Variants in NRG3 observed in about 807,000 individuals in gnomAD.
The protein encoded by NRG3 is neuregulin 3, also known as pro-neuregulin-3, membrane-bound isoform.
NRG3 carries 31 observed loss-of-function variants against 66.9 expected under a neutral mutation model. The ratio of observed to expected loss-of-function variants is 0.46; its 90% CI spans 0.35 to 0.63. NRG3 has a LOEUF of 0.63. Ranked by LOEUF, NRG3 falls within the 20% of genes least tolerant of loss-of-function variation. The probability of loss-of-function intolerance (pLI) is 0.00; values close to 1 mark genes in which losing one functional copy is unlikely to be tolerated. For synonymous variants in NRG3, 393 were observed against 359.4 expected (o/e 1.09, Z -1.06); for missense variants, 910 against 878.9 (o/e 1.04, Z -0.45).
chr10:82,302,491 A>G (rs1274451343), intron 1 of NRG3, among the ~76,000 whole-genome samples: 1 of 152,136 alleles, frequency 6.6e-6, no homozygotes, highest in Non-Finnish European at 1.5e-5. Context: ...TATACTTTGT[A>G]TACTATAATG....
chr10:82,482,989 T>C (rs955001384), intron 2 of NRG3, among the ~76,000 whole-genome samples: 2 of 152,178 alleles, frequency 1.3e-5, no homozygotes, highest in African/African-American at 2.4e-5. Flanking sequence ...TCCTACAATC[T>C]TGCAAGGATG....
intron 1 of NRG3, among the ~76,000 whole-genome samples, chr10:81,926,253 G>A (rs534081103): frequency 2.0e-5 from 3 of 152,022 alleles, no homozygotes; most frequent in Non-Finnish European, 4.4e-5. Context: ...GAGTAGCTGG[G>A]ATTACAGGCA....
intron 2 of NRG3, among the ~76,000 whole-genome samples, chr10:82,447,212 T>C (rs2090772869): frequency 1.3e-5 from 2 of 152,120 alleles, no homozygotes; most frequent in Non-Finnish European, 2.9e-5. Context: ...AAATGCAGAG[T>C]GCCAAAACGA....
intron 3 of NRG3, among the ~76,000 whole-genome samples, chr10:82,758,330 A>C (rs906134951): frequency 6.6e-5 from 10 of 152,124 alleles, no homozygotes; most frequent in Non-Finnish European, 1.5e-4. Flanking sequence ...CTTAAAATAT[A>C]AAGTCTAACA....
chr10:82,305,152 G>T (rs902810303), intron 1 of NRG3, among the ~76,000 whole-genome samples: 1 of 151,310 alleles, frequency 6.6e-6, no homozygotes, highest in African/African-American at 2.4e-5. Context: ...CCACCACCAC[G>T]CTCGGCTAAT....
chr10:82,057,510 T>C (rs2063906825), intron 1 of NRG3, among the ~76,000 whole-genome samples: 1 of 152,132 alleles, frequency 6.6e-6, no homozygotes, highest in South Asian at 2.1e-4. Flanking sequence ...TCCTTTGAAA[T>C]TGTTGGGGTA....
intron 2 of NRG3, among the ~76,000 whole-genome samples, chr10:82,651,101 T>C (rs755539584): frequency 6.6e-6 from 1 of 152,108 alleles, no homozygotes; most frequent in Non-Finnish European, 1.5e-5. Context: ...AGAGGAAAAA[T>C]GGTAAGAAAA....
chr10:81,907,808 C>T (rs1374607704), intron 1 of NRG3, among the ~76,000 whole-genome samples: 2 of 152,162 alleles, frequency 1.3e-5, no homozygotes, highest in African/African-American at 4.8e-5. Flanking sequence ...AAATTACAGA[C>T]TCCTTGATAC....
chr10:82,810,493 T>A (rs1242290375), intron 3 of NRG3, among the ~76,000 whole-genome samples: 1 of 152,174 alleles, frequency 6.6e-6, no homozygotes, highest in African/African-American at 2.4e-5. Context: ...CCAGGCACTG[T>A]GGCTCACGCC....
At position 82,641,284 on chromosome 10, in the gene NRG3, T is replaced by C. The variant is rs551942428; in HGVS notation, c.954-97293T>C. 2.8e-4 allele frequency among the ~76,000 whole-genome samples: 42 copies of C among 152,246 alleles called. No homozygotes were observed. The South Asian group carries it at 8.7e-3, about 32-fold the overall frequency. ...AATATTTTAGAAACTTTTTTGTCAG[T>C]TTTCTAAGCTTATATTTGTGATCTG... On this transcript the variant is annotated intron_variant, in intron 2 of 8. Transcript: ENST00000372141.
intron 1 of NRG3, among the ~76,000 whole-genome samples, chr10:82,105,060 G>A (rs949637088): frequency 2.0e-5 from 3 of 151,972 alleles, no homozygotes; most frequent in African/African-American, 4.8e-5. Flanking sequence ...GATAATAGAG[G>A]AATATTTAGG....
intron 2 of NRG3, among the ~76,000 whole-genome samples, chr10:82,560,680 T>G (rs2044979009): frequency 1.3e-5 from 2 of 151,238 alleles, no homozygotes; most frequent in South Asian, 4.2e-4. Context: ...TAATAGACAC[T>G]TCCATCTTAT....
rs1026989255 is a variant in NRG3 at position 82,400,874 on chromosome 10, C to A, written c.953+42006C>A. On this transcript the variant is annotated intron_variant, in intron 2 of 8. Transcript: ENST00000372141. The stretch of plus-strand genomic sequence containing the variant: ...AACCAGCATGAGCCACCATGCCTGG[C>A]CCAGATTGACTCTCAGTGGAGAAAA... 3.9e-5 allele frequency among the ~76,000 whole-genome samples: 6 copies of A among 152,124 alleles called. No homozygotes were observed. In the South Asian group the frequency reaches 8.3e-4, roughly 21 times the overall value.
At chr10:82,629,954 A>G (rs977672220) in intron 2 of NRG3, among the ~76,000 whole-genome samples, 5 of 152,152 alleles carry the variant, frequency 3.3e-5, no homozygotes, top group African/African-American at 1.2e-4. Flanking sequence ...AGATGTCCCA[A>G]TGAAGATGTG....
intron 2 of NRG3, among the ~76,000 whole-genome samples, chr10:82,574,026 C>G (rs1443415365): frequency 6.6e-6 from 1 of 151,762 alleles, no homozygotes; most frequent in African/African-American, 2.4e-5. Flanking sequence ...AACCAATCCA[C>G]TGCTAAGCAT....
intron 1 of NRG3, among the ~76,000 whole-genome samples, chr10:82,131,554 A>AT (rs2068820446): frequency 2.6e-5 from 4 of 151,346 alleles, no homozygotes; most frequent in East Asian, 1.9e-4. Flanking sequence ...ATTTAGGATT[A>AT]TTTTTTCTAT....
chr10:82,648,121 G>T (rs1293119285), intron 2 of NRG3, among the ~76,000 whole-genome samples: 1 of 151,484 alleles, frequency 6.6e-6, no homozygotes, highest in African/African-American at 2.4e-5. Flanking sequence ...TTTCTTCTAG[G>T]GTTTTTATGG....
intron 2 of NRG3, among the ~76,000 whole-genome samples, chr10:82,577,791 T>G (rs187088800): frequency 6.1e-4 from 93 of 151,936 alleles, no homozygotes; most frequent in African/African-American, 2.2e-3. Flanking sequence ...AAATATACAG[T>G]CCCTCATAAC....
intron 1 of NRG3, among the ~76,000 whole-genome samples, chr10:82,121,170 C>A (rs888317225): frequency 1.3e-5 from 2 of 152,024 alleles, no homozygotes; most frequent in African/African-American, 4.8e-5. Flanking sequence ...TAGATTCCAC[C>A]ACCACAGTTT....
Sources: gnomAD v4.1 joint callset for allele counts (sites outside exome capture counted in the v4.1 genomes callset) on GRCh38, gnomAD v4.1.1 for gene constraint, MANE v1.5 for transcripts, NCBI Gene and HGNC (gene_info 2026-07-23, HGNC 2026-07-21) for gene names.